MRTFB: variants seen among roughly 807,000 people sequenced by gnomAD.
The protein encoded by MRTFB is myocardin-related transcription factor B.
Under a neutral mutation model 104.2 loss-of-function variants are expected in MRTFB, and 29 were observed. The observed-to-expected ratio is 0.28, with a 90% CI of 0.21 to 0.38. MRTFB has a LOEUF of 0.38. Ranked by LOEUF, MRTFB falls within the 10% of genes least tolerant of loss-of-function variation. The pLI is 1.00. For missense variants in MRTFB, 1,270 were observed against 1,341.6 expected (o/e 0.95, Z 0.83); for synonymous variants, 535 against 519.5 (o/e 1.03, Z -0.41).
chr16:14,017,743 GTCTC>G, the MRTFB span, among the ~76,000 whole-genome samples: 1 of 92,298 alleles, frequency 1.1e-5, no homozygotes, highest in Non-Finnish European at 2.3e-5. Flanking sequence ...TTGAGACAGG[GTCTC>G]TCTCTTTCTC....
At chr16:14,105,123 T>G (rs1596849258) in intron 2 of MRTFB, among the ~76,000 whole-genome samples, 2 of 152,250 alleles carry the variant, frequency 1.3e-5, no homozygotes, top group East Asian at 3.9e-4. Context: ...TCTCAGAAAG[T>G]GAGCATTCTA....
At chr16:14,120,584 G>A (rs145588010) in intron 2 of MRTFB, among the ~76,000 whole-genome samples, 49 of 152,266 alleles carry the variant, frequency 3.2e-4, no homozygotes, top group Admixed American at 2.7e-3. Context: ...ACCTTATCAC[G>A]TATTCAGTTT....
At chr16:14,100,083 G>C (rs1443887591) in intron 2 of MRTFB, among the ~76,000 whole-genome samples, 1 of 152,192 alleles carries the variant, frequency 6.6e-6, no homozygotes, top group East Asian at 1.9e-4. Flanking sequence ...CTGAGTGCCT[G>C]TTACTTATTT....
chr16:13,999,641 G>T, the MRTFB span, among the ~76,000 whole-genome samples: 1 of 152,164 alleles, frequency 6.6e-6, no homozygotes, highest in Non-Finnish European at 1.5e-5. Context: ...GGGGCTGTGG[G>T]GGAGCATCGC....
At chr16:14,217,426 G>A in intron 7 of MRTFB, 139 bp downstream of exon 7, 1 of 688,664 alleles carries the variant, frequency 1.5e-6, no homozygotes, top group Non-Finnish European at 2.3e-6. Context: ...AGTGATTTGT[G>A]TTACTATCAT....
At chr16:14,148,031 A>C (rs951694774) in intron 3 of MRTFB, among the ~76,000 whole-genome samples, 2 of 152,218 alleles carry the variant, frequency 1.3e-5, no homozygotes, top group Non-Finnish European at 2.9e-5. Flanking sequence ...GATAACTTTC[A>C]TAAAAGTAGA....
At chr16:14,095,987 A>C (rs532248617) in intron 2 of MRTFB, among the ~76,000 whole-genome samples, 136 of 152,274 alleles carry the variant, frequency 8.9e-4, no homozygotes, top group East Asian at 2.9e-3. Context: ...ATTTACTAAA[A>C]GTTTATTGGT....
At chr16:14,101,219 T>A (rs1296898909) in intron 2 of MRTFB, among the ~76,000 whole-genome samples, 5 of 151,084 alleles carry the variant, frequency 3.3e-5, no homozygotes, top group Non-Finnish European at 7.4e-5. Context: ...CTCTAAGACA[T>A]ATAAGATATT....
At chr16:14,091,994 C>CAAAA (rs10523985) in intron 2 of MRTFB, among the ~76,000 whole-genome samples, 1 of 82,072 alleles carries the variant, frequency 1.2e-5, no homozygotes, top group Non-Finnish European at 2.8e-5. Flanking sequence ...GACTTCATCT[C>CAAAA]AAAAAAAAAA....
the MRTFB span, among the ~76,000 whole-genome samples, chr16:14,043,580 A>C: frequency 2.0e-5 from 3 of 152,200 alleles, no homozygotes; most frequent in Admixed American, 2.0e-4. Flanking sequence ...AACCTCAAGA[A>C]TCTAGGCCAG....
Position 14,213,604 on chromosome 16 carries a change from G to A in MRTFB, c.336G>A (p.Arg112=). 1 of 1,596,942 alleles carries A rather than the reference G, an allele frequency of 6.3e-7. No homozygotes were observed. The highest frequency in any genetic ancestry group is 8.5e-7 in the Non-Finnish European group (1 of 1,172,124). Residue 112 remains arginine (R), a synonymous_variant, in exon 6 of 17, where the codon AGG becomes AGA. Transcript: ENST00000571589. ...GACCAGATCGTTCTGAACTTGTCAG[G>A]ATGCACATTTTAGAAGGTAAAGGAT... The part of the protein sequence containing the change: ...RSRPDRSELV[R]MHILEETFAE...
the MRTFB span, among the ~76,000 whole-genome samples, chr16:14,027,483 T>C: frequency 6.6e-6 from 1 of 152,154 alleles, no homozygotes; most frequent in Admixed American, 6.5e-5. Flanking sequence ...TCTCTACATA[T>C]GATGAAATTT....
At chr16:14,202,193 G>C (rs1440954537) in intron 3 of MRTFB, among the ~76,000 whole-genome samples, 1 of 151,090 alleles carries the variant, frequency 6.6e-6, no homozygotes, top group Admixed American at 6.6e-5. Flanking sequence ...ACTATTATCT[G>C]ACACATATAC....
chr16:14,017,711 A>ATATATATATATATATATTTT, the MRTFB span, among the ~76,000 whole-genome samples: 1 of 33,612 alleles, frequency 3.0e-5, no homozygotes, highest in Non-Finnish European at 5.0e-5. Flanking sequence ...ATATATATAT[A>ATATATATATATATATATTTT]TTTTTTTTTT....
chr16:14,149,312 G>A (rs915405397), intron 3 of MRTFB: 1 of 152,122 alleles, frequency 6.6e-6, no homozygotes, highest in Non-Finnish European at 1.5e-5. Flanking sequence ...TGGCCTCTGC[G>A]TTTAATGAAG....
intron 2 of MRTFB, among the ~76,000 whole-genome samples, chr16:14,082,872 G>T (rs937714101): frequency 1.3e-4 from 20 of 152,034 alleles, no homozygotes; most frequent in Non-Finnish European, 1.0e-4. Flanking sequence ...ACAAACTTCA[G>T]GATTTTTTTT....
At chr16:14,159,989 A>G (rs199624820) in intron 3 of MRTFB, among the ~76,000 whole-genome samples, 1 of 151,762 alleles carries the variant, frequency 6.6e-6, no homozygotes, top group East Asian at 1.9e-4. Flanking sequence ...ATGCCCAAAT[A>G]TGTCAGTATG....
At chr16:14,158,345 A>G (rs993947741) in intron 3 of MRTFB, among the ~76,000 whole-genome samples, 2 of 152,228 alleles carry the variant, frequency 1.3e-5, no homozygotes, top group African/African-American at 4.8e-5. Flanking sequence ...AAATTCTGCC[A>G]GTAGTGAGAG....
intron 2 of MRTFB, among the ~76,000 whole-genome samples, chr16:14,135,378 C>G (rs2037656575): frequency 6.6e-6 from 1 of 152,214 alleles, no homozygotes; most frequent in African/African-American, 2.4e-5. Flanking sequence ...TTTTCTATGT[C>G]TAGAGACACA....
Sources: allele counts gnomAD v4.1 joint callset (sites outside exome capture counted in the v4.1 genomes callset), GRCh38; gene constraint gnomAD v4.1.1; transcripts MANE v1.5; gene names NCBI Gene and HGNC (gene_info 2026-07-23, HGNC 2026-07-21).